The following ZMAT5 variants were observed in gnomAD, a reference collection of about 807,000 sequenced individuals.
The protein encoded by ZMAT5 is zinc finger matrin-type 5.
A neutral mutation model predicts 28.0 loss-of-function variants in ZMAT5; 23 were observed. That is an observed-to-expected ratio of 0.82 (90% CI 0.59 to 1.16). ZMAT5 has a LOEUF of 1.16. Ranked by LOEUF, ZMAT5 falls within the 50% of genes most tolerant of loss-of-function variation. ZMAT5 has a pLI of 0.00. For missense variants in ZMAT5, 173 were observed against 212.7 expected, an observed-to-expected ratio of 0.81 and a Z score of 1.16; for synonymous variants, 76 against 84.1, an observed-to-expected ratio of 0.90 and a Z score of 0.52.
At chr22:29,754,778 G>A (rs2068084385) in intron 1 of ZMAT5, among the ~76,000 whole-genome samples, 6 of 152,156 alleles carry the variant, frequency 3.9e-5, no homozygotes, top group Admixed American at 2.6e-4. Flanking sequence ...AGAGGCTGAG[G>A]TGGGAGGATA....
At chr22:29,756,948 A>T (rs931115630) in intron 1 of ZMAT5, among the ~76,000 whole-genome samples, 2 of 152,134 alleles carry the variant, frequency 1.3e-5, no homozygotes, top group African/African-American at 4.8e-5. Flanking sequence ...CTGAGGCAGG[A>T]GCATCACTTG....
At chr22:29,755,764 A>C (rs1382510041) in intron 1 of ZMAT5, among the ~76,000 whole-genome samples, 1 of 152,190 alleles carries the variant, frequency 6.6e-6, no homozygotes, top group Non-Finnish European at 1.5e-5. Flanking sequence ...AATAACAACC[A>C]CGTCTCATCA....
chr22:29,764,966 G>A (rs1028464637), intron 1 of ZMAT5, among the ~76,000 whole-genome samples: 3 of 152,026 alleles, frequency 2.0e-5, no homozygotes, highest in Admixed American at 6.6e-5. Flanking sequence ...ACCCCTATCC[G>A]GATGACTCTT....
chr22:29,757,124 A>G (rs1401831015), intron 1 of ZMAT5, among the ~76,000 whole-genome samples: 1 of 149,438 alleles, frequency 6.7e-6, no homozygotes, highest in Non-Finnish European at 1.5e-5. Flanking sequence ...GCTGAGGTGG[A>G]AGGATCACTT....
At position 29,764,494 on chromosome 22, in the gene ZMAT5, T is replaced by C. The variant is rs555267369; in HGVS notation, c.-28+2378A>G. 1.5e-3 allele frequency among the ~76,000 whole-genome samples: 223 copies of C among 152,272 alleles called. 3 individuals are homozygous for C. The Middle Eastern group carries it at 0.02, about 14-fold the overall frequency. ...GTCAGAGGCAGAGCCAGGCCTGCAA[T>C]CCAATCCCTAGTTTTTGTTTGTTTT... On this transcript the variant is annotated intron_variant, in intron 1 of 5. Transcript: ENST00000344318.
chr22:29,742,628 G>C, intron 2 of ZMAT5, 148 bp from the exon 3 acceptor site: 3 of 729,260 alleles, frequency 4.1e-6, no homozygotes, highest in Non-Finnish European at 6.9e-6. Flanking sequence ...AGTGGAAGCA[G>C]GAGATGACCA....
At chr22:29,746,266 A>C (rs1018583883) in intron 2 of ZMAT5, 3 of 152,154 alleles carry the variant, frequency 2.0e-5, no homozygotes, top group Admixed American at 6.5e-5. Context: ...CTCCTGCGTT[A>C]GCCTCCAAAG....
intron 5 of ZMAT5, among the ~76,000 whole-genome samples, chr22:29,736,204 T>C (rs1041527731): frequency 6.6e-6 from 1 of 152,126 alleles, no homozygotes; most frequent in Non-Finnish European, 1.5e-5. Context: ...GTCTGGGGTG[T>C]AGGACGTGGA....
chr22:29,760,476 T>G (rs992145221), intron 1 of ZMAT5, among the ~76,000 whole-genome samples: 1 of 151,732 alleles, frequency 6.6e-6, no homozygotes, highest in African/African-American at 2.4e-5. Flanking sequence ...GAGGTGAAGG[T>G]TGCAGTGAGC....
In ZMAT5 at chr22:29,763,154, G is replaced by A. The variant is rs564447591; in HGVS notation, c.-28+3718C>T. 7.9e-5 allele frequency among the ~76,000 whole-genome samples: 12 copies of A among 152,146 alleles called. No individual in the cohort carries two copies. The East Asian group carries it at 1.4e-3, about 17-fold the overall frequency. On this transcript the variant is annotated intron_variant, in intron 1 of 5. Coordinates refer to ENST00000344318, the MANE Select transcript of ZMAT5 (RefSeq NM_001003692.2). ...CTAAAAATACAAAAATTATCCGGGC[G>A]TGGTGGCAGGTGCCTGTAATCCCAG... is the stretch of plus-strand genomic sequence containing the variant.
chr22:29,761,951 T>C (rs131285), intron 1 of ZMAT5, among the ~76,000 whole-genome samples: 61,966 of 151,948 alleles, frequency 0.41, 13,436 homozygotes, highest in East Asian at 0.6. Context: ...TTTGTTTTTG[T>C]TCTTTTTAGC....
intron 1 of ZMAT5, among the ~76,000 whole-genome samples, chr22:29,754,687 A>T (rs948118412): frequency 6.6e-6 from 1 of 152,080 alleles, no homozygotes; most frequent in Admixed American, 6.6e-5. Flanking sequence ...CCTGGACAAC[A>T]TGGGCAGACC....
chr22:29,756,484 C>G (rs1480649128), intron 1 of ZMAT5, among the ~76,000 whole-genome samples: 3 of 152,208 alleles, frequency 2.0e-5, no homozygotes, highest in Admixed American at 6.5e-5. Context: ...CTGCCCTCCC[C>G]TGGGGTAAGG....
In ZMAT5 at chr22:29,732,371, C is replaced by A. The variant is rs569089740; in HGVS notation, c.384-1017G>T. Among the ~76,000 whole-genome samples, 5 of 152,314 alleles carry A rather than the reference C, an allele frequency of 3.3e-5. No homozygotes were observed. In the South Asian group the frequency reaches 8.3e-4, roughly 25 times the overall value. ...AGGAAATAGCAGGGTTGTGGGCAGCCATTGAGTTACAGCAATAGCCGTGAG... is the reference window on the plus strand; with the variant it reads ...AGGAAATAGCAGGGTTGTGGGCAGCAATTGAGTTACAGCAATAGCCGTGAG... On this transcript the variant is annotated intron_variant, in intron 5 of 5. Transcript: ENST00000344318.
chr22:29,736,106 G>A (rs1405898808), intron 5 of ZMAT5, among the ~76,000 whole-genome samples: 2 of 152,242 alleles, frequency 1.3e-5, no homozygotes, highest in African/African-American at 4.8e-5. Flanking sequence ...GGGACTCATA[G>A]GAGATCCTGT....
intron 1 of ZMAT5, among the ~76,000 whole-genome samples, chr22:29,757,231 A>G (rs1157607684): frequency 8.0e-5 from 12 of 149,712 alleles, no homozygotes; most frequent in African/African-American, 2.9e-4. Flanking sequence ...AAAAAAAAAA[A>G]GGACTTCACA....
chr22:29,755,936 C>T (rs1309847741), intron 1 of ZMAT5, among the ~76,000 whole-genome samples: 3 of 152,276 alleles, frequency 2.0e-5, no homozygotes, highest in Admixed American at 6.5e-5. Flanking sequence ...CCCACTCTCT[C>T]TCCATCCCAC....
chr22:29,740,753 C>T (rs1358211930), intron 3 of ZMAT5, 23 bp from the exon 4 acceptor site: 1 of 1,574,008 alleles, frequency 6.4e-7, no homozygotes, highest in Admixed American at 1.9e-5. Context: ...GACAGAGTTA[C>T]TCGCTGCTCG....
At chr22:29,739,223 T>A (rs2067938324) in intron 4 of ZMAT5, among the ~76,000 whole-genome samples, 1 of 151,458 alleles carries the variant, frequency 6.6e-6, no homozygotes, top group South Asian at 2.1e-4. Flanking sequence ...TTAAAACCAA[T>A]CAACGAATGG....
Sources: gnomAD v4.1 joint callset for allele counts (sites outside exome capture counted in the v4.1 genomes callset) on GRCh38, gnomAD v4.1.1 for gene constraint, MANE v1.5 for transcripts, NCBI Gene and HGNC (gene_info 2026-07-23, HGNC 2026-07-21) for gene names.